Variants in ATF6 observed in about 807,000 individuals in gnomAD.
The protein encoded by ATF6 is cyclic AMP-dependent transcription factor ATF-6 alpha.
In ATF6, 53 loss-of-function variants were observed where a neutral mutation model predicts 83.6. The observed-to-expected ratio is 0.63, with a 90% CI of 0.51 to 0.80. The LOEUF (loss-of-function observed/expected upper bound fraction) is 0.80, where lower values mean the gene tolerates loss of function less well. Ranked by LOEUF, ATF6 falls within the 30% of genes least tolerant of loss-of-function variation. ATF6 has a pLI of 0.00. For synonymous variants in ATF6, 288 were observed against 285.8 expected (o/e 1.01, Z -0.08); for missense variants, 744 against 797.9 (o/e 0.93, Z 0.81).
At chr1:161,837,980 A>G (rs1033326067) in intron 9 of ATF6, among the ~76,000 whole-genome samples, 6 of 152,190 alleles carry the variant, frequency 3.9e-5, no homozygotes, top group African/African-American at 1.4e-4. Context: ...CAGAATCACA[A>G]TCTGCCTCTG....
chr1:161,812,034 A>G (rs894055547), intron 7 of ATF6, among the ~76,000 whole-genome samples: 22 of 152,216 alleles, frequency 1.4e-4, no homozygotes, highest in African/African-American at 5.1e-4. Flanking sequence ...CCATTTTACT[A>G]CTGAAGGAAT....
At chr1:161,892,641 T>G (rs183486858) in intron 14 of ATF6, among the ~76,000 whole-genome samples, 37 of 149,656 alleles carry the variant, frequency 2.5e-4, no homozygotes, top group African/African-American at 8.9e-4. Flanking sequence ...TTTTTTTTTT[T>G]TTTTTTGAGA....
chr1:161,914,368 T>G (rs187456846), intron 15 of ATF6, among the ~76,000 whole-genome samples: 1 of 152,292 alleles, frequency 6.6e-6, no homozygotes, highest in Admixed American at 6.5e-5. Flanking sequence ...TGCAAATCTG[T>G]CACATCACAC....
intron 15 of ATF6, among the ~76,000 whole-genome samples, chr1:161,922,985 A>G (rs994790505): frequency 6.6e-6 from 1 of 152,188 alleles, no homozygotes; most frequent in Admixed American, 6.5e-5. Flanking sequence ...TGTGGTGTCC[A>G]TGTCTTGGAT....
At chr1:161,774,688 A>G (rs1485103231) in intron 1 of ATF6, among the ~76,000 whole-genome samples, 1 of 152,100 alleles carries the variant, frequency 6.6e-6, no homozygotes, top group African/African-American at 2.4e-5. Context: ...ACTTTCCTCT[A>G]TTACTACCCT....
At chr1:161,863,376 G>A (rs1438997437) in intron 14 of ATF6, 64 bp downstream of exon 14, 2 of 1,042,036 alleles carry the variant, frequency 1.9e-6, no homozygotes, top group Non-Finnish European at 3.0e-6. Context: ...AAGACATTGG[G>A]CTGAATATTG....
At chr1:161,922,284 G>A (rs1688227407) in intron 15 of ATF6, among the ~76,000 whole-genome samples, 2 of 152,156 alleles carry the variant, frequency 1.3e-5, no homozygotes, top group South Asian at 4.1e-4. Context: ...GCCCAGGACA[G>A]TCTGTCCCCA....
intron 3 of ATF6, among the ~76,000 whole-genome samples, chr1:161,782,399 G>A (rs1392969287): frequency 6.6e-6 from 1 of 152,180 alleles, no homozygotes; most frequent in Non-Finnish European, 1.5e-5. Flanking sequence ...AGAAGGGGCA[G>A]CACCTGGCTG....
chr1:161,944,356 T>A lies in ATF6; in HGVS notation c.1805-14090T>A, dbSNP rs565290988. Among the ~76,000 whole-genome samples, 4 of 152,338 alleles carry A rather than the reference T, an allele frequency of 2.6e-5. No individual in the cohort carries two copies. The South Asian group carries it at 6.2e-4, about 24-fold the overall frequency. On this transcript the variant is annotated intron_variant, in intron 15 of 15. Coordinates refer to ENST00000367942, the MANE Select transcript of ATF6 (RefSeq NM_007348.4). Reference sequence around the variant, plus strand: ...AACTTAAAATAAACCCAGGTGTTTCTGGGCCTGAGATTCTTAATGTCCACA... The same window carrying A: ...AACTTAAAATAAACCCAGGTGTTTCAGGGCCTGAGATTCTTAATGTCCACA...
chr1:161,945,629 A>G (rs1688732784), intron 15 of ATF6, among the ~76,000 whole-genome samples: 1 of 152,150 alleles, frequency 6.6e-6, no homozygotes, highest in Admixed American at 6.5e-5. Flanking sequence ...CCTAATAACA[A>G]GTTTACTGTT....
intron 5 of ATF6, among the ~76,000 whole-genome samples, chr1:161,791,819 T>C (rs1480720579): frequency 1.3e-5 from 2 of 152,210 alleles, no homozygotes; most frequent in East Asian, 1.9e-4. Flanking sequence ...GATAACTGAA[T>C]GGAGCTATGA....
intron 15 of ATF6, among the ~76,000 whole-genome samples, chr1:161,955,575 G>A (rs1054061694): frequency 3.9e-5 from 6 of 152,192 alleles, no homozygotes; most frequent in African/African-American, 1.2e-4. Flanking sequence ...CAGTAATGAC[G>A]AGATTGCCTC....
chr1:161,792,208 C>G lies in ATF6; in HGVS notation c.569C>G (p.Pro190Arg), dbSNP rs1280744637. Residue 190 changes from proline (P) to arginine (R), a missense_variant, in exon 6 of 16, where the codon CCC (proline) becomes CGC (arginine). By Grantham distance (103) the Pro-to-Arg change is moderately radical. Coordinates refer to ENST00000367942, the MANE Select transcript of ATF6 (RefSeq NM_007348.4). The stretch of plus-strand genomic sequence containing the variant: ...AAGCCTTTATTGCTTCCAGCAGCAC[C>G]CAAGACTCAAACAAACTCCAGTGTT... ...QPKPLLLPAA[P>R]KTQTNSSVPA... 1 of 1,614,082 alleles carries G rather than the reference C, an allele frequency of 6.2e-7. No homozygotes were observed.
chr1:161,936,300 AT>A (rs58406542), intron 15 of ATF6, among the ~76,000 whole-genome samples: 95,285 of 151,320 alleles, frequency 0.63, 31,730 homozygotes, highest in Non-Finnish European at 0.75. Flanking sequence ...TTTCTTTTTA[AT>A]TTTTTTTAAT....
At position 161,814,812 on chromosome 1, in the gene ATF6, ATATT is replaced by A. The variant is rs1685572153; in HGVS notation, c.910-4818_910-4815del. On this transcript the variant is annotated intron_variant, in intron 7 of 15. Transcript: ENST00000367942. ...AAATTAAGTTTTTTAATGTATTTGA[ATATT>A]TAAAGTAGGATTGCCACAAATTAAA... Among the ~76,000 whole-genome samples the A allele has an allele frequency of 2.6e-5, 4 of 152,364 alleles. No homozygotes were observed. In the South Asian group the frequency reaches 8.3e-4, roughly 32 times the overall value.
chr1:161,819,694 G>T lies in ATF6; in HGVS notation c.971G>T (p.Arg324Leu). ...IKNRESACQSRKKKKEYMLGL... is the reference protein window; with the variant it reads ...IKNRESACQSLKKKKEYMLGL... ...AATCGAGAATCCGCTTGTCAGTCTC[G>T]CAAGAAGAAGAAAGAATATATGCTA... Residue 324 changes from arginine to leucine, a missense_variant, in exon 8 of 16, where the codon CGC (arginine) becomes CTC (leucine). Coordinates refer to ENST00000367942, the MANE Select transcript of ATF6 (RefSeq NM_007348.4). 1.9e-6 allele frequency: 3 copies of T among 1,612,416 alleles called. No homozygotes were observed. Among genetic ancestry groups the T allele is most frequent in the Non-Finnish European group, 1.7e-6 (2 of 1,179,316 alleles).
In ATF6 at chr1:161,854,519, G is replaced by A. The variant is rs113931242; in HGVS notation, c.1533+1196G>A. Among the ~76,000 whole-genome samples, 698 of 152,326 alleles carry A rather than the reference G, an allele frequency of 4.6e-3. 10 individuals are homozygous for A. The highest frequency in any genetic ancestry group is 0.016 in the African/African-American group (681 of 41,568). The stretch of plus-strand genomic sequence containing the variant: ...TCTGTGTGCTCGAGAAGAAGACAAG[G>A]GTTTGGTGAGAACATTGCTTTTGCC... On this transcript the variant is annotated intron_variant, in intron 12 of 15. Transcript: ENST00000367942.
At chr1:161,872,468 T>G (rs901707110) in intron 14 of ATF6, among the ~76,000 whole-genome samples, 13 of 151,726 alleles carry the variant, frequency 8.6e-5, no homozygotes, top group Admixed American at 7.9e-4. Context: ...CCAAGCCACA[T>G]GTTACTCAAA....
intron 9 of ATF6, among the ~76,000 whole-genome samples, chr1:161,842,143 A>G (rs1010558134): frequency 1.3e-5 from 2 of 152,164 alleles, no homozygotes; most frequent in Non-Finnish European, 2.9e-5. Flanking sequence ...CCCAGTCCCT[A>G]TTTCCAAACT....
Sources: gnomAD v4.1 joint callset for allele counts (sites outside exome capture counted in the v4.1 genomes callset) on GRCh38, gnomAD v4.1.1 for gene constraint, MANE v1.5 for transcripts, NCBI Gene and HGNC (gene_info 2026-07-23, HGNC 2026-07-21) for gene names.